Variants in PALS1 observed in about 807,000 individuals in gnomAD.
The protein encoded by PALS1 is protein PALS1.
In PALS1, 31 loss-of-function variants were observed where a neutral mutation model predicts 78.9. The observed-to-expected ratio is 0.39, with a 90% CI of 0.30 to 0.53. The LOEUF (loss-of-function observed/expected upper bound fraction) is 0.53. Among genes scored for constraint, PALS1 ranks in the 20% least tolerant of loss-of-function variants. The pLI is 0.67. For missense variants in PALS1, 704 were observed against 826.5 expected, an observed-to-expected ratio of 0.85 and a Z score of 1.82; for synonymous variants, 276 against 270.9, an observed-to-expected ratio of 1.02 and a Z score of -0.18.
chr14:67,332,106 TAA>T (rs544699623), intron 14 of PALS1, among the ~76,000 whole-genome samples: 96 of 152,364 alleles, frequency 6.3e-4, no homozygotes, highest in African/African-American at 2.2e-3. Context: ...GTCTTGAGTT[TAA>T]GTTAGTTGTC....
chr14:67,328,835 G>A (rs371904604), intron 14 of PALS1, among the ~76,000 whole-genome samples: 5 of 152,098 alleles, frequency 3.3e-5, no homozygotes, highest in East Asian at 1.9e-4. Flanking sequence ...CCATTGGTCT[G>A]TATCTCTGTT....
chr14:67,276,068 G>C (rs1212347798), intron 2 of PALS1, among the ~76,000 whole-genome samples: 3 of 152,076 alleles, frequency 2.0e-5, no homozygotes, highest in African/African-American at 7.2e-5. Context: ...CAAAAAATCA[G>C]CTCCTGGATT....
At chr14:67,289,118 C>A in intron 3 of PALS1, among the ~76,000 whole-genome samples, 1 of 145,018 alleles carries the variant, frequency 6.9e-6, no homozygotes, top group African/African-American at 2.7e-5. Context: ...AGGAGCACAC[C>A]GCCATAACTG....
chr14:67,292,690 A>G lies in PALS1; in HGVS notation c.547A>G (p.Ile183Val), dbSNP rs888926105. The change falls in exon 4 of 15, where the codon ATC becomes GTC. Residue 183 changes from isoleucine to valine, a missense_variant. Physicochemically the swap from Ile to Val is conservative, Grantham distance 29. Coordinates refer to ENST00000261681, the MANE Select transcript of PALS1 (RefSeq NM_022474.4). ...MNKASPPFPL[I>V]SNAQDLAQEV... ...CAAGGCCAGTCCTCCATTTCCTCTT[A>G]TCTCCAACGCACAAGATCTTGCTCA... 2 of 1,613,688 alleles carry G rather than the reference A, an allele frequency of 1.2e-6. No homozygotes were observed. Among genetic ancestry groups the G allele is most frequent in the Admixed American group, 1.7e-5 (1 of 60,014 alleles).
rs2085516855 is a variant in PALS1 at position 67,335,493 on chromosome 14, A to AAAT, written c.*2538_*2540dup. The AAAT allele has an allele frequency of 6.6e-6, 1 of 152,638 alleles. No individual in the cohort carries two copies. The highest frequency in any genetic ancestry group is 2.1e-4 in the South Asian group (1 of 4,834). The allele number at this position is 152,638 out of a possible 1,614,324, so 9.5% of individuals were successfully genotyped here. On this transcript the variant is annotated 3_prime_UTR_variant, in exon 15 of 15. Coordinates refer to ENST00000261681, the MANE Select transcript of PALS1 (RefSeq NM_022474.4). Reference sequence around the variant, plus strand: ...AGGTTGGTGCATAACTTTGTTTCTCAAATTTTCGTTGTCAGAACAAATGGA... The same window carrying AAAT: ...AGGTTGGTGCATAACTTTGTTTCTCAAATAATTTTCGTTGTCAGAACAAATGGA...
intron 14 of PALS1, among the ~76,000 whole-genome samples, chr14:67,328,271 G>A (rs1451640721): frequency 3.3e-5 from 5 of 152,096 alleles, no homozygotes; most frequent in African/African-American, 7.2e-5. Flanking sequence ...TTGGCTGCAT[G>A]AATGTCTTCT....
chr14:67,319,010 A>T (rs1296528955), intron 11 of PALS1, among the ~76,000 whole-genome samples: 2 of 151,878 alleles, frequency 1.3e-5, no homozygotes, highest in Admixed American at 1.3e-4. Context: ...GTGAGCCGAG[A>T]TCGCGCCACT....
At chr14:67,286,163 C>G (rs748825238) in intron 3 of PALS1, among the ~76,000 whole-genome samples, 3 of 152,210 alleles carry the variant, frequency 2.0e-5, no homozygotes, top group African/African-American at 7.2e-5. Flanking sequence ...ATGCCTGCCT[C>G]TACCTTCTCC....
intron 9 of PALS1, among the ~76,000 whole-genome samples, chr14:67,315,786 A>C (rs566483153): frequency 2.0e-5 from 3 of 152,302 alleles, no homozygotes; most frequent in South Asian, 2.1e-4. Context: ...TTAGCTGGGC[A>C]TGGTGGCGGG....
chr14:67,327,705 G>C (rs1046393274), intron 14 of PALS1, among the ~76,000 whole-genome samples: 1 of 151,296 alleles, frequency 6.6e-6, no homozygotes, highest in African/African-American at 2.4e-5. Context: ...TGTTCTCATT[G>C]TTCAGTTCCC....
At chr14:67,331,533 C>G (rs2085449720) in intron 14 of PALS1, among the ~76,000 whole-genome samples, 1 of 152,076 alleles carries the variant, frequency 6.6e-6, no homozygotes, top group Non-Finnish European at 1.5e-5. Context: ...GAGTGGCTAT[C>G]TAGCAGTATG....
chr14:67,271,639 G>A (rs2084408831), intron 2 of PALS1: 1 of 152,240 alleles, frequency 6.6e-6, no homozygotes, highest in African/African-American at 2.4e-5. Context: ...TAAACATGCT[G>A]TCTTGGGTAA....
At chr14:67,329,456 G>T (rs566104000) in intron 14 of PALS1, among the ~76,000 whole-genome samples, 52 of 152,094 alleles carry the variant, frequency 3.4e-4, no homozygotes, top group Non-Finnish European at 4.0e-4. Context: ...TTTCCTAATT[G>T]AATACCCTTT....
chr14:67,275,678 A>G (rs1327344263), intron 2 of PALS1, among the ~76,000 whole-genome samples: 3 of 152,158 alleles, frequency 2.0e-5, no homozygotes, highest in African/African-American at 7.2e-5. Context: ...ATTGATTGCA[A>G]TAGTTTCAGA....
chr14:67,302,234 G>T, intron 6 of PALS1, 116 bp downstream of exon 6: 1 of 1,231,774 alleles, frequency 8.1e-7, no homozygotes. Context: ...CAGAAAGTGT[G>T]GGGGAAATGG....
At chr14:67,296,288 T>C (rs2084847017) in intron 4 of PALS1, among the ~76,000 whole-genome samples, 1 of 152,100 alleles carries the variant, frequency 6.6e-6, no homozygotes, top group Non-Finnish European at 1.5e-5. Context: ...TAAGTAAGCA[T>C]AGGACTTAAT....
intron 1 of PALS1, among the ~76,000 whole-genome samples, chr14:67,248,334 A>C (rs1219308935): frequency 6.6e-6 from 1 of 152,098 alleles, no homozygotes; most frequent in Non-Finnish European, 1.5e-5. Flanking sequence ...CAGCTGAGCA[A>C]CATAACAAGA....
At chr14:67,256,797 G>GACACACACACACACACACACACACAC (rs10654145) in intron 1 of PALS1, among the ~76,000 whole-genome samples, 10 of 147,682 alleles carry the variant, frequency 6.8e-5, no homozygotes, top group Non-Finnish European at 1.5e-4. Flanking sequence ...AGAAACTATT[G>GACACACACACACACACACACACACAC]ACACACACAC....
chr14:67,288,000 TG>T (rs1313622155), intron 3 of PALS1, among the ~76,000 whole-genome samples: 3 of 152,218 alleles, frequency 2.0e-5, no homozygotes, highest in Non-Finnish European at 4.4e-5. Context: ...GGGCTGTCTA[TG>T]GCTGCTTGTT....
Sources: gnomAD v4.1 joint callset for allele counts (sites outside exome capture counted in the v4.1 genomes callset) on GRCh38, gnomAD v4.1.1 for gene constraint, MANE v1.5 for transcripts, NCBI Gene and HGNC (gene_info 2026-07-23, HGNC 2026-07-21) for gene names.